SLC15A5: variants seen among roughly 807,000 people sequenced by gnomAD.
The protein encoded by SLC15A5 is Peptide/histidine transporter ENSP00000340402.
A neutral mutation model predicts 56.1 loss-of-function variants in SLC15A5; 58 were observed. The observed-to-expected ratio is 1.03, with a 90% confidence interval of 0.84 to 1.29. SLC15A5 has a LOEUF of 1.29. Among genes scored for constraint, SLC15A5 ranks in the 50% most tolerant of loss-of-function variants. The pLI is 0.00. For missense variants in SLC15A5, 681 were observed against 672.1 expected (o/e 1.01, Z -0.15); for synonymous variants, 264 against 250.5 (o/e 1.05, Z -0.51).
In SLC15A5 at chr12:16,269,241, G is replaced by A. The variant is rs1234383671; in HGVS notation, c.584+3320C>T. On this transcript the variant is annotated intron_variant, in intron 2 of 8. Coordinates refer to ENST00000344941, the MANE Select transcript of SLC15A5 (RefSeq NM_001170798.1). The surrounding 1 kb of genome is among the most constrained non-coding windows in gnomAD (Gnocchi z 4.7). ...CCCACCTGTCCTCCCAGAAAATTCT[G>A]ATCCAGGAGGTTCGAGGTGGGACCT... 6.6e-6 allele frequency among the ~76,000 whole-genome samples: 1 copy of A among 152,140 alleles called. No individual in the cohort carries two copies. Among genetic ancestry groups the A allele is most frequent in the Non-Finnish European group, 1.5e-5 (1 of 68,022 alleles).
chr12:16,193,614 T>C (rs1477236869), intron 8 of SLC15A5, among the ~76,000 whole-genome samples: 2 of 151,898 alleles, frequency 1.3e-5, no homozygotes, highest in African/African-American at 4.8e-5. Context: ...AAAATGAAAA[T>C]CTGCTTAGTT....
chr12:16,200,968 A>G (rs1863949017), intron 7 of SLC15A5, among the ~76,000 whole-genome samples: 1 of 152,142 alleles, frequency 6.6e-6, no homozygotes, highest in Non-Finnish European at 1.5e-5. Flanking sequence ...AATATGACAA[A>G]TAAAACTGGC....
chr12:16,200,478 G>A (rs930043703), intron 7 of SLC15A5, among the ~76,000 whole-genome samples: 1 of 151,936 alleles, frequency 6.6e-6, no homozygotes, highest in East Asian at 1.9e-4. Flanking sequence ...TGATCAAATT[G>A]TCAAAGAAGA....
At chr12:16,256,615 T>A (rs575691139) in intron 3 of SLC15A5, among the ~76,000 whole-genome samples, 1 of 152,012 alleles carries the variant, frequency 6.6e-6, no homozygotes, top group Non-Finnish European at 1.5e-5. Flanking sequence ...ATCCCAGCAC[T>A]TTGGGAGGCT....
intron 7 of SLC15A5, among the ~76,000 whole-genome samples, chr12:16,197,012 G>A (rs1440999222): frequency 6.6e-6 from 1 of 151,546 alleles, no homozygotes; most frequent in Non-Finnish European, 1.5e-5. Context: ...AAGGACATTT[G>A]TACTAGAAAA....
rs1481195679 is a variant in SLC15A5, at chr12:16,194,423, C to G, written c.1514G>C (p.Gly505Ala). The change falls in exon 8 of 9, where the codon GGC becomes GCC. Residue 505 changes from glycine to alanine, a missense_variant. Coordinates refer to ENST00000344941, the MANE Select transcript of SLC15A5 (RefSeq NM_001170798.1). ...GAAGAAGAAGAAGCTTTCTAAATTGCCTTTGTTTAATGTGTTTGGAAACCA... is the reference window on the plus strand; with the variant it reads ...GAAGAAGAAGAAGCTTTCTAAATTGGCTTTGTTTAATGTGTTTGGAAACCA... ...GNWFPNTLNKGNLESFFFFLA... is the reference protein window; with the variant it reads ...GNWFPNTLNKANLESFFFFLA... 18 of 1,534,858 alleles carry G rather than the reference C, an allele frequency of 1.2e-5. No homozygotes were observed. Among genetic ancestry groups the G allele is most frequent in the Non-Finnish European group, 1.6e-5 (18 of 1,145,388 alleles).
At chr12:16,230,334 A>G (rs558197655) in intron 5 of SLC15A5, among the ~76,000 whole-genome samples, 84 of 152,266 alleles carry the variant, frequency 5.5e-4, no homozygotes, top group Admixed American at 9.8e-4. Context: ...CCCACTGTTG[A>G]TGAGTTTAAA....
rs183063039 is a variant in SLC15A5 at position 16,243,060 on chromosome 12, C to A, written c.975+1520G>T. On this transcript the variant is annotated intron_variant, in intron 4 of 8. Coordinates refer to ENST00000344941, the MANE Select transcript of SLC15A5 (RefSeq NM_001170798.1). The surrounding 1 kb of genome is among the most constrained non-coding windows in gnomAD (Gnocchi z 4.4). ...TAAAGGGCCAGATAGTAAATATGTC[C>A]ACATATGGGTTCCGTGGCAATTACT... Among the ~76,000 whole-genome samples, 1 of 152,138 alleles carries A rather than the reference C, an allele frequency of 6.6e-6. No homozygotes were observed. The highest frequency in any genetic ancestry group is 2.4e-5 in the African/African-American group (1 of 41,506).
chr12:16,252,419 C>T (rs186720561), intron 3 of SLC15A5, among the ~76,000 whole-genome samples: 34 of 151,964 alleles, frequency 2.2e-4, no homozygotes, highest in Admixed American at 2.0e-3. Context: ...ACTAAGAATT[C>T]GACACAAAAG....
At position 16,205,598 on chromosome 12, in the gene SLC15A5, C is replaced by CACAT. The variant is rs1864010862; in HGVS notation, c.1484-11146_1484-11145insATGT. 1.6e-4 allele frequency among the ~76,000 whole-genome samples: 9 copies of CACAT among 57,720 alleles called. 1 individual carries two copies. Among genetic ancestry groups the CACAT allele is most frequent in the African/African-American group, 5.9e-4 (9 of 15,186 alleles). The allele number at this position is 57,720 out of a possible 152,430, so 37.9% of individuals were successfully genotyped here. A position where few individuals can be genotyped will look rare whatever the true frequency, so the allele number is the denominator to read the frequency against. ...AAAGGTGCATATATATATACATATA[C>CACAT]ACACACACACACATATATATACACA... On this transcript the variant is annotated intron_variant, in intron 7 of 8. Transcript: ENST00000344941.
At position 16,196,429 on chromosome 12, in the gene SLC15A5, A is replaced by G. The variant is rs1160263281; in HGVS notation, c.1484-1976T>C. 6.6e-6 allele frequency among the ~76,000 whole-genome samples: 1 copy of G among 151,804 alleles called. No homozygotes were observed. Reference sequence around the variant, plus strand: ...GTGCCCGTGCATGTGTGCACACAGGAACTAAACATTTGATTGTACTTGAGT... The same window carrying G: ...GTGCCCGTGCATGTGTGCACACAGGGACTAAACATTTGATTGTACTTGAGT... On this transcript the variant is annotated intron_variant, in intron 7 of 8. Transcript: ENST00000344941. The surrounding 1 kb of genome is among the most constrained non-coding windows in gnomAD (Gnocchi z 4.0).
chr12:16,276,773 A>G (rs565122377), intron 1 of SLC15A5, among the ~76,000 whole-genome samples: 130 of 152,138 alleles, frequency 8.5e-4, no homozygotes, highest in Non-Finnish European at 9.1e-4. Context: ...GTATATATGT[A>G]AAGATGCACA....
At chr12:16,272,433 A>T in intron 2 of SLC15A5, 128 bp downstream of exon 2, 1 of 853,552 alleles carries the variant, frequency 1.2e-6, no homozygotes, top group Non-Finnish European at 1.8e-6. Context: ...TCATCATCAC[A>T]GATTCATCAC....
chr12:16,228,870 C>G (rs1214299180), intron 5 of SLC15A5, among the ~76,000 whole-genome samples: 1 of 152,100 alleles, frequency 6.6e-6, no homozygotes, highest in Non-Finnish European at 1.5e-5. Context: ...TGCTTTCCAT[C>G]AACAGTAGGC....
In SLC15A5 at chr12:16,252,442, A is replaced by ATTC. The variant is rs1864528933; in HGVS notation, c.754+5258_754+5259insGAA. Among the ~76,000 whole-genome samples the ATTC allele has an allele frequency of 5.9e-5, 9 of 152,244 alleles. No homozygotes were observed. The South Asian group carries it at 1.9e-3, about 32-fold the overall frequency. On this transcript the variant is annotated intron_variant, in intron 3 of 8. Coordinates refer to ENST00000344941, the MANE Select transcript of SLC15A5 (RefSeq NM_001170798.1). ...TTCGACACAAAAGTCATTAGAATTA[A>ATTC]TAAAGGAGTTCAGCAGTTTCAGAAT... is the stretch of plus-strand genomic sequence containing the variant.
intron 5 of SLC15A5, among the ~76,000 whole-genome samples, chr12:16,236,729 C>T (rs906193494): frequency 3.3e-5 from 5 of 152,154 alleles, no homozygotes; most frequent in African/African-American, 1.2e-4. Context: ...AAGGAGAATA[C>T]GAATACCTGG....
intron 8 of SLC15A5, among the ~76,000 whole-genome samples, 192 bp downstream of exon 8, chr12:16,194,153 T>C (rs755173055): frequency 2.0e-5 from 3 of 152,094 alleles, no homozygotes; most frequent in Non-Finnish European, 4.4e-5. Context: ...TGTAAAGTAC[T>C]ATTTTATTAT....
intron 7 of SLC15A5, among the ~76,000 whole-genome samples, chr12:16,200,756 G>T (rs1156255614): frequency 6.6e-6 from 1 of 152,020 alleles, no homozygotes; most frequent in Non-Finnish European, 1.5e-5. Flanking sequence ...ACTCTACCCA[G>T]AAGCACATTT....
intron 4 of SLC15A5, among the ~76,000 whole-genome samples, chr12:16,240,903 C>T (rs1280769667): frequency 6.6e-6 from 1 of 151,018 alleles, no homozygotes; most frequent in East Asian, 1.9e-4. Context: ...AGCTCCACCT[C>T]CCAGGTTCAC....
Sources: gnomAD v4.1 joint callset for allele counts (sites outside exome capture counted in the v4.1 genomes callset) on GRCh38, gnomAD v4.1.1 for gene constraint, Gnocchi (gnomAD v3.1) non-coding constraint, MANE v1.5 for transcripts, NCBI Gene and HGNC (gene_info 2026-07-23, HGNC 2026-07-21) for gene names.